The following DUSP11 variants were observed in gnomAD, a reference collection of about 807,000 sequenced individuals.
DUSP11 encodes dual specificity phosphatase 11.
A neutral mutation model predicts 41.4 loss-of-function variants in DUSP11; 27 were observed. That is an observed-to-expected ratio of 0.65 (90% CI 0.48 to 0.90). The LOEUF (loss-of-function observed/expected upper bound fraction) is 0.90. Among genes scored for constraint, DUSP11 ranks in the 40% least tolerant of loss-of-function variants. The pLI, the probability that DUSP11 is intolerant of heterozygous loss-of-function variation, is 0.00. For synonymous variants in DUSP11, 188 were observed against 159.3 expected, an observed-to-expected ratio of 1.18 and a Z score of -1.35; for missense variants, 465 against 461.1, an observed-to-expected ratio of 1.01 and a Z score of -0.08.
At chr2:73,768,382 C>T in intron 5 of DUSP11, 2 of 921,980 alleles carry the variant, frequency 2.2e-6, no homozygotes, top group Non-Finnish European at 2.6e-6. Flanking sequence ...AGTCTCTTTG[C>T]TAACACGCAG....
chr2:73,774,321 G>C (rs944981578), intron 3 of DUSP11, among the ~76,000 whole-genome samples: 6 of 152,180 alleles, frequency 3.9e-5, no homozygotes, highest in African/African-American at 1.4e-4. Flanking sequence ...TTGTGAGATA[G>C]AGGGAATTCC....
chr2:73,765,912 T>C (rs1201285138), intron 8 of DUSP11, among the ~76,000 whole-genome samples: 1 of 152,216 alleles, frequency 6.6e-6, no homozygotes, highest in Non-Finnish European at 1.5e-5. Flanking sequence ...CCTTTCCGAA[T>C]TGCCTCTGAA....
At chr2:73,762,575 T>A in exon 9 of DUSP11, 1 of 997,072 alleles carries the variant, frequency 1.0e-6, no homozygotes, top group South Asian at 2.2e-5. Context: ...TAAAGAAACC[T>A]GATTAGACCT....
chr2:73,779,449 G>C (rs1672750620), intron 1 of DUSP11: 1 of 197,754 alleles, frequency 5.1e-6, no homozygotes, highest in Non-Finnish European at 1.1e-5. Flanking sequence ...TGCTCTTTGT[G>C]ATTTCTGGAA....
chr2:73,767,920 T>A (rs1408275610), intron 5 of DUSP11: 4 of 152,162 alleles, frequency 2.6e-5, no homozygotes, highest in Admixed American at 2.6e-4. Flanking sequence ...CCCACACTCA[T>A]CCCCAACAAA....
intron 1 of DUSP11, among the ~76,000 whole-genome samples, chr2:73,779,239 G>C (rs1672745222): frequency 6.6e-6 from 1 of 152,180 alleles, no homozygotes; most frequent in Non-Finnish European, 1.5e-5. Context: ...GGCAAGACCT[G>C]TATTAGGGTA....
At chr2:73,762,640 G>C (rs1021562696) in exon 9 of DUSP11, 1 of 1,583,988 alleles carries the variant, frequency 6.3e-7, no homozygotes, top group Non-Finnish European at 8.6e-7. Flanking sequence ...TCTCCAGGTA[G>C]AATTCCAGGA....
At chr2:73,772,058 G>A (rs1437162046) in intron 4 of DUSP11, among the ~76,000 whole-genome samples, 2 of 151,550 alleles carry the variant, frequency 1.3e-5, no homozygotes, top group Non-Finnish European at 2.9e-5. Context: ...CTGACCTCGT[G>A]ATCCGCCCAC....
At chr2:73,773,222 T>C (rs913983994) in intron 4 of DUSP11, 2 of 153,060 alleles carry the variant, frequency 1.3e-5, no homozygotes, top group African/African-American at 4.8e-5. Context: ...GAGGTGGTGG[T>C]ATCCTTCCCC....
chr2:73,772,717 A>G (rs1001382929), intron 4 of DUSP11, among the ~76,000 whole-genome samples: 1 of 152,222 alleles, frequency 6.6e-6, no homozygotes, highest in African/African-American at 2.4e-5. Flanking sequence ...TTTTAAAGTT[A>G]AAGTACAGGG....
At position 73,771,921 on chromosome 2, in the gene DUSP11, C is replaced by T. The variant is rs150645651; in HGVS notation, c.574+1879G>A. ...CTGAAAGCTCCGCCTCCCGGGTTCA[C>T]GCCATTCTCCTGCCTCAGCCCCCCG... On this transcript the variant is annotated intron_variant, in intron 4 of 8. Transcript: ENST00000272444. Among the ~76,000 whole-genome samples the T allele has an allele frequency of 9.6e-3, 1,463 of 151,648 alleles. 34 individuals are homozygous for T. The highest frequency in any genetic ancestry group is 0.032 in the African/African-American group (1,312 of 41,308).
At chr2:73,767,541 T>A in intron 5 of DUSP11, 1 of 186,018 alleles carries the variant, frequency 5.4e-6, no homozygotes, top group Non-Finnish European at 1.1e-5. Context: ...GACAGAGTAT[T>A]TATCAGAAAC....
intron 2 of DUSP11, among the ~76,000 whole-genome samples, chr2:73,775,864 T>TAAA (rs1166863408): frequency 3.8e-5 from 2 of 52,300 alleles, no homozygotes; most frequent in African/African-American, 5.8e-5. Flanking sequence ...AAAAAAAATT[T>TAAA]AAAAAAAAAA....
chr2:73,776,333 TGAAC>T, intron 2 of DUSP11, among the ~76,000 whole-genome samples: 1 of 144,910 alleles, frequency 6.9e-6, no homozygotes, highest in Admixed American at 7.3e-5. Flanking sequence ...GAGAATGGCG[TGAAC>T]CCAGGAGGCA....
chr2:73,779,008 G>A (rs903543333), intron 1 of DUSP11, among the ~76,000 whole-genome samples: 42 of 152,088 alleles, frequency 2.8e-4, no homozygotes, highest in Non-Finnish European at 4.3e-4. Flanking sequence ...AAAATTAGCC[G>A]GGTGTGGTGG....
intron 8 of DUSP11, among the ~76,000 whole-genome samples, chr2:73,764,800 T>G (rs1006024604): frequency 2.6e-5 from 4 of 152,118 alleles, no homozygotes; most frequent in Admixed American, 2.6e-4. Context: ...AACCCCCATC[T>G]CTACTAAAAT....
chr2:73,768,728 GGGT>G (rs1431846307), intron 5 of DUSP11: 1 of 858,032 alleles, frequency 1.2e-6, no homozygotes, highest in Non-Finnish European at 1.4e-6. Flanking sequence ...AGGCCGAGGC[GGGT>G]GGATCACAAG....
intron 8 of DUSP11, among the ~76,000 whole-genome samples, chr2:73,765,415 T>C (rs1369406653): frequency 6.6e-6 from 1 of 152,230 alleles, no homozygotes; most frequent in Non-Finnish European, 1.5e-5. Context: ...TCCGTGGTTC[T>C]GAGGCTTTCT....
exon 1 of DUSP11, chr2:73,780,008 G>A: frequency 6.2e-7 from 1 of 1,614,212 alleles, no homozygotes; most frequent in Non-Finnish European, 8.5e-7. Flanking sequence ...CCAATGCCAA[G>A]TCGGCCAAAA....
Sources: gnomAD v4.1 joint callset for allele counts (sites outside exome capture counted in the v4.1 genomes callset) on GRCh38, gnomAD v4.1.1 for gene constraint, MANE v1.5 for transcripts, NCBI Gene and HGNC (gene_info 2026-07-23, HGNC 2026-07-21) for gene names.